Variants in MTAP observed in about 807,000 individuals in gnomAD.
The protein encoded by MTAP is S-methyl-5'-thioadenosine phosphorylase.
MTAP carries 33 observed loss-of-function variants against 33.6 expected under a neutral mutation model. The observed-to-expected ratio is 0.98, with a 90% CI of 0.74 to 1.31. The LOEUF (loss-of-function observed/expected upper bound fraction) is 1.31. Among genes scored for constraint, MTAP ranks in the 40% most tolerant of loss-of-function variants. The pLI is 0.00. For missense variants in MTAP, 367 were observed against 360.0 expected (o/e 1.02, Z -0.16); for synonymous variants, 148 against 125.7 (o/e 1.18, Z -1.19).
chr9:21,837,909 A>G lies in MTAP; in HGVS notation c.349A>G (p.Thr117Ala). Reference protein sequence around the residue: ...IVIIDQFIDRTTMRPQSFYDG... With the variant: ...IVIIDQFIDRATMRPQSFYDG... ...AACCTTTTTTGCTTTATTTTGTAGG[A>G]CCACTATGAGACCTCAGTCCTTCTA... Residue 117 changes from threonine to alanine, a missense_variant and splice_region_variant, in exon 5 of 8, where the codon ACC becomes GCC. Coordinates refer to ENST00000644715, the MANE Select transcript of MTAP (RefSeq NM_002451.4). 6.2e-7 allele frequency: 1 copy of G among 1,612,652 alleles called. No homozygotes were observed. The highest frequency in any genetic ancestry group is 1.7e-4 in the Middle Eastern group (1 of 6,056).
intron 1 of MTAP, among the ~76,000 whole-genome samples, chr9:21,882,526 A>AAACT (rs1474227288): frequency 6.6e-6 from 1 of 152,086 alleles, no homozygotes; most frequent in Non-Finnish European, 1.5e-5. Context: ...AAATTTACAA[A>AAACT]AACTACAGTC....
intron 1 of MTAP, among the ~76,000 whole-genome samples, chr9:21,916,348 G>A (rs1376409534): frequency 2.6e-5 from 4 of 151,878 alleles, no homozygotes; most frequent in Non-Finnish European, 4.4e-5. Flanking sequence ...GGTGGCTCAC[G>A]TCTGAAATCC....
intron 1 of MTAP, among the ~76,000 whole-genome samples, chr9:21,888,033 A>T (rs560732786): frequency 6.6e-6 from 1 of 152,266 alleles, no homozygotes; most frequent in African/African-American, 2.4e-5. Flanking sequence ...TTTTTGGATC[A>T]GTCTTTAGGG....
At chr9:21,803,704 C>T (rs1205198568) in intron 1 of MTAP, among the ~76,000 whole-genome samples, 1 of 144,096 alleles carries the variant, frequency 6.9e-6, no homozygotes, top group Non-Finnish European at 1.5e-5. Context: ...CTCTTCTAGG[C>T]AGTTTATTAC....
intron 1 of MTAP, among the ~76,000 whole-genome samples, chr9:21,807,096 A>T (rs992139494): frequency 2.0e-5 from 3 of 152,216 alleles, no homozygotes; most frequent in Non-Finnish European, 4.4e-5. Flanking sequence ...CCCAGGAGGC[A>T]GAGGTTGCAG....
chr9:21,876,888 T>G (rs1826018371), intron 1 of MTAP, among the ~76,000 whole-genome samples: 1 of 152,028 alleles, frequency 6.6e-6, no homozygotes, highest in South Asian at 2.1e-4. Flanking sequence ...AAAAAATTTC[T>G]GTGAAGAATT....
intron 5 of MTAP, among the ~76,000 whole-genome samples, chr9:21,850,121 G>A (rs1276379518): frequency 6.6e-6 from 1 of 152,218 alleles, no homozygotes; most frequent in East Asian, 1.9e-4. Flanking sequence ...ACGCTGATTG[G>A]ATCCAGTGAG....
intron 5 of MTAP, among the ~76,000 whole-genome samples, chr9:21,852,140 G>A (rs1825527554): frequency 6.6e-6 from 1 of 152,140 alleles, no homozygotes; most frequent in Non-Finnish European, 1.5e-5. Context: ...AAGTAACTCG[G>A]GAATGGAAAA....
At chr9:21,816,394 A>T (rs1338776707) in intron 2 of MTAP, among the ~76,000 whole-genome samples, 1 of 152,064 alleles carries the variant, frequency 6.6e-6, no homozygotes, top group Non-Finnish European at 1.5e-5. Context: ...CCTGTTCTCA[A>T]ACCTGCCCAA....
chr9:21,864,449 A>C lies in MTAP; in HGVS notation c.*2435A>C, dbSNP rs1427821923. 1 of 985,312 alleles carries C rather than the reference A, an allele frequency of 1.0e-6. No homozygotes were observed. 61.0% of individuals were successfully genotyped at this position (985,312 alleles called of 1,614,324 possible). On this transcript the variant is annotated 3_prime_UTR_variant, in exon 8 of 8. Coordinates refer to ENST00000644715, the MANE Select transcript of MTAP (RefSeq NM_002451.4). ...AGGATGGATGGTGAGCATCATGGGA[A>C]AGCTGTAGTTTAGTGACTTAGCCCT...
downstream of MTAP, chr9:21,933,416 G>A (rs1217513610): frequency 6.6e-6 from 1 of 152,176 alleles, no homozygotes; most frequent in Non-Finnish European, 1.5e-5. Flanking sequence ...AGGAGTTTAA[G>A]TAACAAACCT....
chr9:21,937,282 T>C (rs1819056061), exon 8 of MTAP: 1 of 151,806 alleles, frequency 6.6e-6, no homozygotes, highest in Non-Finnish European at 1.5e-5. Context: ...GAGGTTGCAG[T>C]GAACTGAGAT....
At chr9:21,826,119 CAT>C (rs999844087) in intron 4 of MTAP, among the ~76,000 whole-genome samples, 1 of 151,468 alleles carries the variant, frequency 6.6e-6, no homozygotes, top group African/African-American at 2.4e-5. Context: ...AATTTTTAAA[CAT>C]ATACACAAAA....
chr9:21,925,721 T>C (rs941212107), intron 1 of MTAP, among the ~76,000 whole-genome samples: 1 of 151,112 alleles, frequency 6.6e-6, no homozygotes, highest in Non-Finnish European at 1.5e-5. Flanking sequence ...AGAATCCCAA[T>C]TCCTGATGGC....
At chr9:21,916,985 A>C (rs1483358757) in intron 1 of MTAP, among the ~76,000 whole-genome samples, 1 of 152,248 alleles carries the variant, frequency 6.6e-6, no homozygotes, top group Non-Finnish European at 1.5e-5. Flanking sequence ...GTGAAGAAAA[A>C]AGGTCAGAAT....
At chr9:21,811,155 A>G (rs10811623) in intron 1 of MTAP, among the ~76,000 whole-genome samples, 57,005 of 152,088 alleles carry the variant, frequency 0.37, 11,374 homozygotes, top group East Asian at 0.45. Context: ...GGCATGAGCT[A>G]GTCTCAACCG....
chr9:21,898,740 C>T lies in MTAP; in HGVS notation c.148-32268C>T, dbSNP rs566668908. Among the ~76,000 whole-genome samples the T allele has an allele frequency of 9.7e-4, 147 of 152,110 alleles. 1 individual carries two copies. Among genetic ancestry groups the T allele is most frequent in the Middle Eastern group, 3.4e-3 (1 of 294 alleles). On this transcript the variant is annotated intron_variant, in intron 1 of 1. Transcript: ENST00000577563. ...TTAAAAAGTCAGGAAACAACAGGTG[C>T]TGGAGAGGATGTGGAGAAATAGGAA...
At chr9:21,810,896 G>A (rs1824329228) in intron 1 of MTAP, among the ~76,000 whole-genome samples, 1 of 152,156 alleles carries the variant, frequency 6.6e-6, no homozygotes, top group Non-Finnish European at 1.5e-5. Context: ...GTTTTTAACA[G>A]TCCTCACAGC....
intron 1 of MTAP, among the ~76,000 whole-genome samples, chr9:21,874,256 C>A (rs1825974460): frequency 6.6e-6 from 1 of 152,200 alleles, no homozygotes; most frequent in African/African-American, 2.4e-5. Flanking sequence ...TGACTGTTCA[C>A]CTCCGACGTT....
Sources: gnomAD v4.1 joint callset for allele counts (sites outside exome capture counted in the v4.1 genomes callset) on GRCh38, gnomAD v4.1.1 for gene constraint, MANE v1.5 for transcripts, NCBI Gene and HGNC (gene_info 2026-07-23, HGNC 2026-07-21) for gene names.